Variants in TYW1B observed in about 807,000 individuals in gnomAD.
TYW1B encodes S-adenosyl-L-methionine-dependent tRNA 4-demethylwyosine synthase TYW1B.
TYW1B carries 73 observed loss-of-function variants against 86.9 expected under a neutral mutation model. The ratio of observed to expected loss-of-function variants is 0.84; its 90% CI spans 0.70 to 1.02. The LOEUF is 1.02. Among genes scored for constraint, TYW1B ranks in the 50% least tolerant of loss-of-function variants. The pLI, the probability that TYW1B is intolerant of heterozygous loss-of-function variation, is 0.00. For synonymous variants in TYW1B, 248 were observed against 292.8 expected, an observed-to-expected ratio of 0.85 and a Z score of 1.56; for missense variants, 637 against 827.4, an observed-to-expected ratio of 0.77 and a Z score of 2.82.
intron 6 of TYW1B, among the ~76,000 whole-genome samples, chr7:72,790,898 C>T (rs1162216213): frequency 7.2e-5 from 11 of 152,228 alleles, no homozygotes; most frequent in Admixed American, 5.9e-4. Flanking sequence ...CCGGCCCCAG[C>T]AAGGGGCCCT....
chr7:72,605,879 G>C (rs1277962023), intron 13 of TYW1B, among the ~76,000 whole-genome samples: 1 of 152,094 alleles, frequency 6.6e-6, no homozygotes, highest in Non-Finnish European at 1.5e-5. Context: ...ATATCAAATA[G>C]TCCCATCTGG....
intron 13 of TYW1B, among the ~76,000 whole-genome samples, chr7:72,615,591 C>G (rs1554436739): frequency 1.3e-5 from 2 of 152,096 alleles, no homozygotes; most frequent in African/African-American, 4.8e-5. Flanking sequence ...GAATGAGAAC[C>G]TGCAGAAATG....
intron 11 of TYW1B, among the ~76,000 whole-genome samples, chr7:72,673,655 T>C (rs1330521661): frequency 6.6e-6 from 1 of 151,972 alleles, no homozygotes; most frequent in African/African-American, 2.4e-5. Context: ...GTACAAAAAA[T>C]AGAAAAAATG....
At chr7:72,647,724 G>A (rs1403605029) in intron 11 of TYW1B, among the ~76,000 whole-genome samples, 4 of 151,208 alleles carry the variant, frequency 2.6e-5, no homozygotes, top group Non-Finnish European at 4.4e-5. Context: ...TTGCTCTGTC[G>A]CCCAGGCTGG....
chr7:72,645,892 T>C (rs1812917257), intron 11 of TYW1B, among the ~76,000 whole-genome samples: 1 of 150,604 alleles, frequency 6.6e-6, no homozygotes, highest in Admixed American at 6.6e-5. Context: ...CCTGTGCCCT[T>C]TTCTGTGTGT....
chr7:72,792,805 GA>G (rs1269184531), intron 6 of TYW1B, among the ~76,000 whole-genome samples: 1 of 152,164 alleles, frequency 6.6e-6, no homozygotes, highest in East Asian at 1.9e-4. Flanking sequence ...GACAGGACCA[GA>G]AAGTTGTCAT....
intron 8 of TYW1B, among the ~76,000 whole-genome samples, chr7:72,741,986 G>A (rs1727798829): frequency 6.6e-6 from 1 of 152,158 alleles, no homozygotes; most frequent in South Asian, 2.1e-4. Flanking sequence ...AAATGCTAAA[G>A]GGAGTCCTTC....
At chr7:72,690,070 T>C (rs1470533490) in intron 11 of TYW1B, among the ~76,000 whole-genome samples, 1 of 152,220 alleles carries the variant, frequency 6.6e-6, no homozygotes, top group Non-Finnish European at 1.5e-5. Context: ...ATGGTCATTG[T>C]TAAGGTGCAA....
intron 6 of TYW1B, among the ~76,000 whole-genome samples, chr7:72,791,827 T>C (rs1788225097): frequency 6.6e-6 from 1 of 152,146 alleles, no homozygotes; most frequent in Non-Finnish European, 1.5e-5. Flanking sequence ...GCCTTGTGCA[T>C]GTCTTCCCTT....
At chr7:72,676,775 A>G (rs1218820428) in intron 11 of TYW1B, among the ~76,000 whole-genome samples, 6 of 152,250 alleles carry the variant, frequency 3.9e-5, no homozygotes, top group African/African-American at 1.4e-4. Flanking sequence ...CCTGGCCAAT[A>G]TGGGGAAACC....
At chr7:72,623,113 T>C (rs545245493) in intron 12 of TYW1B, among the ~76,000 whole-genome samples, 3 of 152,326 alleles carry the variant, frequency 2.0e-5, no homozygotes, top group South Asian at 2.1e-4. Context: ...GGGTGATACA[T>C]ACATGTTAGA....
intron 4 of TYW1B, 101 bp from the exon 5 acceptor site, chr7:72,807,457 TG>T: frequency 1.4e-6 from 2 of 1,454,582 alleles, no homozygotes; most frequent in Non-Finnish European, 9.2e-7. Flanking sequence ...CCCCTGGTCA[TG>T]GGCTACCACT....
chr7:72,639,106 C>T (rs1812738837), intron 11 of TYW1B, among the ~76,000 whole-genome samples: 1 of 151,818 alleles, frequency 6.6e-6, no homozygotes, highest in Non-Finnish European at 1.5e-5. Context: ...AGATATTACT[C>T]TGAGAAAAAA....
At chr7:72,618,227 A>ATTTTTTTTTT (rs869158136) in intron 12 of TYW1B, among the ~76,000 whole-genome samples, 26 of 103,940 alleles carry the variant, frequency 2.5e-4, no homozygotes, top group East Asian at 1.3e-3. Flanking sequence ...ATGACACTGA[A>ATTTTTTTTTT]TTTTTTTTTT....
At chr7:72,759,714 T>A (rs1787655563) in intron 7 of TYW1B, among the ~76,000 whole-genome samples, 2 of 152,208 alleles carry the variant, frequency 1.3e-5, no homozygotes, top group Admixed American at 1.3e-4. Context: ...CTTATGGCAT[T>A]CCAGCCAAGA....
chr7:72,651,301 C>G (rs1231100046), intron 11 of TYW1B, among the ~76,000 whole-genome samples: 1 of 152,142 alleles, frequency 6.6e-6, no homozygotes, highest in African/African-American at 2.4e-5. Context: ...TGAAATATCC[C>G]TGTGTCTTAT....
In TYW1B at chr7:72,575,553, G is replaced by T. The variant is rs1243915783; in HGVS notation, c.1952C>A (p.Pro651His). The change falls in exon 14 of 14, where the codon CCC becomes CAC. Residue 651 changes from proline to histidine, a missense_variant. Transcript: ENST00000620995. Reference sequence around the variant, plus strand: ...CTTTCTCTGATGTCTTGTGTCCTTGGGATCAAAGCTTCTTTCATTGGCACC... The same window carrying T: ...CTTTCTCTGATGTCTTGTGTCCTTGTGATCAAAGCTTCTTTCATTGGCACC... ...LFGANERSFD[P>H]KDTRHQRKNK... is the part of the protein sequence containing the mutation. 9.3e-6 allele frequency: 15 copies of T among 1,613,698 alleles called. No individual in the cohort carries two copies. The highest frequency in any genetic ancestry group is 3.3e-5 in the Admixed American group (2 of 59,952).
chr7:72,827,394 C>G (rs1418966465), intron 1 of TYW1B, among the ~76,000 whole-genome samples: 2 of 151,958 alleles, frequency 1.3e-5, no homozygotes, highest in African/African-American at 4.8e-5. Context: ...GGCGACAGAG[C>G]AAGGCTCCAT....
chr7:72,620,638 C>G (rs1293915240), intron 12 of TYW1B, among the ~76,000 whole-genome samples: 3 of 152,134 alleles, frequency 2.0e-5, no homozygotes, highest in African/African-American at 7.2e-5. Context: ...ATCCTACCCT[C>G]TAGTCTACTG....
Sources: allele counts gnomAD v4.1 joint callset (sites outside exome capture counted in the v4.1 genomes callset), GRCh38; gene constraint gnomAD v4.1.1; transcripts MANE v1.5; gene names NCBI Gene and HGNC (gene_info 2026-07-23, HGNC 2026-07-21).